USP33: variants seen among roughly 807,000 people sequenced by gnomAD.
The protein encoded by USP33 is ubiquitin specific peptidase 33, also known as ubiquitin carboxyl-terminal hydrolase 33.
A neutral mutation model predicts 124.2 loss-of-function variants in USP33; 46 were observed. The observed-to-expected ratio is 0.37, with a 90% CI of 0.29 to 0.47. The LOEUF (loss-of-function observed/expected upper bound fraction) is 0.47, where lower values mean the gene tolerates loss of function less well. USP33 is among the 20% of genes least tolerant of loss of function. USP33 has a pLI of 0.99. For missense variants in USP33, 851 were observed against 1,070.6 expected (o/e 0.79, Z 2.86); for synonymous variants, 350 against 352.3 (o/e 0.99, Z 0.07).
intron 21 of USP33, among the ~76,000 whole-genome samples, chr1:77,709,980 C>T (rs1176109634): frequency 6.6e-6 from 1 of 152,042 alleles, no homozygotes; most frequent in African/African-American, 2.4e-5. Flanking sequence ...AATAACAACA[C>T]AAGGTACAGT....
At chr1:77,737,785 G>A (rs1678646643) in intron 5 of USP33, among the ~76,000 whole-genome samples, 1 of 152,156 alleles carries the variant, frequency 6.6e-6, no homozygotes, top group Non-Finnish European at 1.5e-5. Flanking sequence ...TGGCAGAAAT[G>A]GCAACAGATA....
intron 21 of USP33, among the ~76,000 whole-genome samples, chr1:77,708,988 T>G (rs1674939020): frequency 6.6e-6 from 1 of 152,096 alleles, no homozygotes; most frequent in Non-Finnish European, 1.5e-5. Flanking sequence ...ACTAATTGAT[T>G]TGTTTCATTT....
chr1:77,721,038 CTAT>C (rs1557834609), intron 15 of USP33, 131 bp downstream of exon 15: 1 of 923,600 alleles, frequency 1.1e-6, no homozygotes, highest in Non-Finnish European at 1.7e-6. Flanking sequence ...CAGCTAATCT[CTAT>C]TATTACTAGG....
chr1:77,749,491 CTT>C (rs796134182), intron 1 of USP33, among the ~76,000 whole-genome samples: 73 of 152,168 alleles, frequency 4.8e-4, no homozygotes, highest in African/African-American at 1.7e-3. Flanking sequence ...GTACGATTCT[CTT>C]GTCTCAGCCT....
chr1:77,734,845 C>T (rs566299129), intron 6 of USP33, among the ~76,000 whole-genome samples: 5 of 152,216 alleles, frequency 3.3e-5, no homozygotes, highest in African/African-American at 9.6e-5. Context: ...GTATTTATGC[C>T]GGGCGCAGTG....
At chr1:77,708,887 T>G (rs914296572) in intron 21 of USP33, among the ~76,000 whole-genome samples, 2 of 151,824 alleles carry the variant, frequency 1.3e-5, no homozygotes, top group African/African-American at 4.8e-5. Flanking sequence ...AGTCTCGCTA[T>G]GTTGTCCAGG....
At chr1:77,721,613 T>G in intron 14 of USP33, 1 of 522,312 alleles carries the variant, frequency 1.9e-6, no homozygotes, top group Non-Finnish European at 3.3e-6. Flanking sequence ...TCACTTATCA[T>G]TTGTCTTATA....
intron 10 of USP33, 51 bp from the exon 11 acceptor site, chr1:77,725,813 A>G: frequency 6.7e-7 from 1 of 1,492,926 alleles, no homozygotes; most frequent in Non-Finnish European, 9.1e-7. Flanking sequence ...AATTATTCTA[A>G]CTGTCCAATA....
chr1:77,720,820 AG>A (rs1676486408), intron 15 of USP33, among the ~76,000 whole-genome samples: 1 of 152,244 alleles, frequency 6.6e-6, no homozygotes, highest in African/African-American at 2.4e-5. Flanking sequence ...TATAACCTTT[AG>A]GAATTTTATG....
At position 77,728,442 on chromosome 1, in the gene USP33, T is replaced by C. The variant is rs975652094; in HGVS notation, c.988A>G (p.Lys330Glu). The C allele has an allele frequency of 6.2e-7, 1 of 1,613,958 alleles. No individual in the cohort carries two copies. Among genetic ancestry groups the C allele is most frequent in the Non-Finnish European group, 8.5e-7 (1 of 1,180,018 alleles). Residue 330 changes from lysine to glutamate, a missense_variant, in exon 10 of 24, where the codon AAG becomes GAG. Transcript: ENST00000370794. Reference sequence around the variant, plus strand: ...CACATCTTCTCTTTTTGCCAATCCTTTGACATTTCTGAATTGTTTTCATCA... The same window carrying C: ...CACATCTTCTCTTTTTGCCAATCCTCTGACATTTCTGAATTGTTTTCATCA... ...QDDENNSEMSKDWQKEKMCNK... is the reference protein window; with the variant it reads ...QDDENNSEMSEDWQKEKMCNK...
intron 1 of USP33, among the ~76,000 whole-genome samples, chr1:77,747,235 CTGGGCTTT>C (rs1425002177): frequency 1.5e-5 from 2 of 132,386 alleles, no homozygotes; most frequent in African/African-American, 2.8e-5. Flanking sequence ...TTCTGGGCTT[CTGGGCTTT>C]TTTTTTTTTT....
chr1:77,725,812 A>G, intron 10 of USP33, 50 bp from the exon 11 acceptor site: 1 of 1,501,782 alleles, frequency 6.7e-7, no homozygotes, highest in Non-Finnish European at 9.1e-7. Context: ...AAATTATTCT[A>G]ACTGTCCAAT....
At chr1:77,727,049 C>T (rs1165846740) in intron 10 of USP33, among the ~76,000 whole-genome samples, 1 of 152,100 alleles carries the variant, frequency 6.6e-6, no homozygotes, top group Non-Finnish European at 1.5e-5. Context: ...AGGCATTTCT[C>T]AATATTTCAA....
In USP33 at chr1:77,725,631, G is replaced by A. The variant is rs1256981756; in HGVS notation, c.1267C>T (p.His423Tyr). The change falls in exon 11 of 24, where the codon CAC becomes TAC. Residue 423 changes from histidine to tyrosine, a missense_variant. By Grantham distance (83) the His-to-Tyr change is moderately conservative (BLOSUM62 2). Coordinates refer to ENST00000370794, the MANE Select transcript of USP33 (RefSeq NM_201624.3). ...AAGAGAAACGTTTTACCTTTTTTGT[G>A]TGGTGGTGCCAATCCTGGCCACAAA... The part of the protein sequence containing the change: ...GNLWPGLAPP[H>Y]KKAQSASPKR... 9 of 1,612,868 alleles carry A rather than the reference G, an allele frequency of 5.6e-6. No individual in the cohort carries two copies. The highest frequency in any genetic ancestry group is 1.1e-5 in the South Asian group (1 of 90,830).
At chr1:77,723,660 T>G (rs550047024) in intron 11 of USP33, among the ~76,000 whole-genome samples, 5 of 151,044 alleles carry the variant, frequency 3.3e-5, no homozygotes, top group Admixed American at 1.3e-4. Flanking sequence ...ATATTTGTTG[T>G]TTTTTTTTGT....
Position 77,711,752 on chromosome 1 carries a change from T to C in USP33, c.2401A>G (p.Ile801Val), listed in dbSNP as rs1440320112. ...KRRKTELEIF[I>V]RLNRAFQKED... ...GAAAAGCATCACTTTTTTACCCGAATAAAAATTTCCAATTCAGTTTTTCTT... is the reference window on the plus strand; with the variant it reads ...GAAAAGCATCACTTTTTTACCCGAACAAAAATTTCCAATTCAGTTTTTCTT... The change falls in exon 21 of 24, where the codon ATT becomes GTT. Residue 801 changes from isoleucine (I) to valine (V), a missense_variant. This residue lies in a region of USP33 where 142 missense variants were observed against 141.8 expected (regional missense o/e 1.00). Transcript: ENST00000370794. 1 of 1,605,216 alleles carries C rather than the reference T, an allele frequency of 6.2e-7. No homozygotes were observed. The highest frequency in any genetic ancestry group is 8.5e-7 in the Non-Finnish European group (1 of 1,178,152).
chr1:77,748,367 C>T (rs1679940599), intron 1 of USP33, among the ~76,000 whole-genome samples: 1 of 152,082 alleles, frequency 6.6e-6, no homozygotes, highest in Non-Finnish European at 1.5e-5. Flanking sequence ...TCTTACTTTA[C>T]TTATTAGAAA....
chr1:77,757,956 A>C (rs1466422278), intron 1 of USP33, among the ~76,000 whole-genome samples: 1 of 152,196 alleles, frequency 6.6e-6, no homozygotes, highest in Non-Finnish European at 1.5e-5. Flanking sequence ...CTGAATTTCA[A>C]ATATTTAAAA....
intron 14 of USP33, 122 bp downstream of exon 14, chr1:77,721,709 T>C (rs1448283341): frequency 1.2e-6 from 1 of 812,820 alleles, no homozygotes; most frequent in Non-Finnish European, 1.9e-6. Flanking sequence ...CGAATGCCAA[T>C]ATGTGAATGT....
Sources: gnomAD v4.1 joint callset for allele counts (sites outside exome capture counted in the v4.1 genomes callset) on GRCh38, gnomAD v4.1.1 for gene constraint, gnomAD v4.1.1 regional missense constraint, MANE v1.5 for transcripts, NCBI Gene and HGNC (gene_info 2026-07-23, HGNC 2026-07-21) for gene names.